SUGCT: variants seen among roughly 807,000 people sequenced by gnomAD.
The protein encoded by SUGCT is succinyl-CoA:glutarate CoA-transferase.
Under a neutral mutation model 55.0 loss-of-function variants are expected in SUGCT, and 41 were observed. The observed-to-expected ratio is 0.74, with a 90% CI of 0.58 to 0.97. SUGCT has a LOEUF of 0.97. Ranked by LOEUF, SUGCT falls within the 50% of genes least tolerant of loss-of-function variation. The probability of loss-of-function intolerance (pLI) is 0.00; values close to 1 mark genes in which losing one functional copy is unlikely to be tolerated. For missense variants in SUGCT, 568 were observed against 547.8 expected (o/e 1.04, Z -0.37); for synonymous variants, 187 against 200.4 (o/e 0.93, Z 0.56).
chr7:40,662,598 T>G (rs764986487), intron 12 of SUGCT, among the ~76,000 whole-genome samples: 2 of 152,158 alleles, frequency 1.3e-5, no homozygotes, highest in Admixed American at 1.3e-4. Flanking sequence ...ACATAACTAT[T>G]TTTTTGATTT....
intron 1 of SUGCT, among the ~76,000 whole-genome samples, chr7:40,170,937 A>G (rs1461197468): frequency 6.6e-6 from 1 of 152,134 alleles, no homozygotes; most frequent in Non-Finnish European, 1.5e-5. Context: ...CATACCCGAC[A>G]TTGCCTTTGC....
intron 12 of SUGCT, among the ~76,000 whole-genome samples, chr7:40,606,288 T>C (rs1798532971): frequency 6.6e-6 from 1 of 152,186 alleles, no homozygotes; most frequent in Non-Finnish European, 1.5e-5. Flanking sequence ...AGACTGAAAG[T>C]GTGGATGACA....
intron 9 of SUGCT, among the ~76,000 whole-genome samples, chr7:40,437,387 T>C (rs999253895): frequency 6.6e-6 from 1 of 152,190 alleles, no homozygotes; most frequent in Non-Finnish European, 1.5e-5. Flanking sequence ...AGGAAATCAG[T>C]ATATAATGTT....
chr7:40,204,025 G>A (rs546567671), intron 6 of SUGCT, among the ~76,000 whole-genome samples: 1 of 151,700 alleles, frequency 6.6e-6, no homozygotes, highest in South Asian at 2.1e-4. Flanking sequence ...GTCTCACTTA[G>A]TCACCTAGGC....
the SUGCT span, among the ~76,000 whole-genome samples, chr7:40,904,608 T>A: frequency 3.9e-4 from 59 of 152,282 alleles, no homozygotes; most frequent in East Asian, 0.011. Flanking sequence ...TATGAAAATC[T>A]TCTGGAGATG....
intron 1 of SUGCT, among the ~76,000 whole-genome samples, chr7:40,178,758 AG>A (rs1341557827): frequency 6.6e-6 from 1 of 152,172 alleles, no homozygotes; most frequent in Non-Finnish European, 1.5e-5. Flanking sequence ...CTGGGCCAGT[AG>A]AGGGACCTTC....
At chr7:40,651,689 C>A (rs1381605927) in intron 12 of SUGCT, among the ~76,000 whole-genome samples, 1 of 151,970 alleles carries the variant, frequency 6.6e-6, no homozygotes, top group African/African-American at 2.4e-5. Context: ...TAATTTCATT[C>A]TTTTCTTCAG....
chr7:40,897,894 GACCAATCAGCTCTCTGTAAAATGA>G, the SUGCT span, among the ~76,000 whole-genome samples: 19,503 of 152,086 alleles, frequency 0.13, 1,647 homozygotes, highest in East Asian at 0.17. Flanking sequence ...CTGTAAAATG[GACCAATCAGCTCTCTGTAAAATGA>G]ACCAATCAGC....
At chr7:40,942,916 CT>C in the SUGCT span, among the ~76,000 whole-genome samples, 18 of 151,940 alleles carry the variant, frequency 1.2e-4, no homozygotes, top group Non-Finnish European at 2.4e-4. Context: ...GTTCTGATTA[CT>C]TTTTAAAAAA....
intron 12 of SUGCT, among the ~76,000 whole-genome samples, chr7:40,691,134 T>C (rs1784680267): frequency 6.6e-6 from 1 of 152,174 alleles, no homozygotes. Flanking sequence ...ACGGATTCTA[T>C]AGAAACAGGA....
intron 1 of SUGCT, among the ~76,000 whole-genome samples, chr7:40,158,707 G>A (rs1294388677): frequency 6.6e-6 from 1 of 151,814 alleles, no homozygotes; most frequent in Non-Finnish European, 1.5e-5. Flanking sequence ...CTGAGATTGT[G>A]CCACTTCACT....
chr7:40,195,048 T>C lies in SUGCT; in HGVS notation c.472T>C (p.Cys158Arg). 6.2e-7 allele frequency: 1 copy of C among 1,613,452 alleles called. No homozygotes were observed. Among genetic ancestry groups the C allele is most frequent in the Non-Finnish European group, 8.5e-7 (1 of 1,179,624 alleles). ...CGAGATTGCTCCTCACATCATCTAT[T>C]GTTCCATCACAGGTATTTCAACCCC... ...IDEIAPHIIY[C>R]SITGYGQTGP... Residue 158 changes from cysteine to arginine, a missense_variant, in exon 6 of 14, where the codon TGT (cysteine) becomes CGT (arginine). By Grantham distance (180) the Cys-to-Arg change is radical. Coordinates refer to ENST00000335693, the MANE Select transcript of SUGCT (RefSeq NM_001193313.2).
chr7:40,643,957 G>A (rs771422952), intron 12 of SUGCT, among the ~76,000 whole-genome samples: 1 of 152,172 alleles, frequency 6.6e-6, no homozygotes, highest in Non-Finnish European at 1.5e-5. Context: ...TTCCCTTTGT[G>A]CTAATCTTAC....
At chr7:40,994,049 A>G in the SUGCT span, among the ~76,000 whole-genome samples, 13 of 152,164 alleles carry the variant, frequency 8.5e-5, no homozygotes. Flanking sequence ...CCTTAAGTAT[A>G]TCTGAGGAAG....
In SUGCT at chr7:40,585,036, A is replaced by G. The variant is rs145028474; in HGVS notation, c.1089+88650A>G. Among the ~76,000 whole-genome samples, 29 of 152,312 alleles carry G rather than the reference A, an allele frequency of 1.9e-4. No homozygotes were observed. The East Asian group carries it at 4.6e-3, about 24-fold the overall frequency. On this transcript the variant is annotated intron_variant, in intron 12 of 13. Transcript: ENST00000335693. ...TTCACCTTTAAACTCACCCTTCAATAGTTCTCAGAATCCTCCTTGAGAAGA... is the reference window on the plus strand; with the variant it reads ...TTCACCTTTAAACTCACCCTTCAATGGTTCTCAGAATCCTCCTTGAGAAGA...
chr7:40,341,418 A>G (rs1797037297), intron 9 of SUGCT, among the ~76,000 whole-genome samples: 1 of 152,044 alleles, frequency 6.6e-6, no homozygotes, highest in Non-Finnish European at 1.5e-5. Context: ...TTAATAGAGA[A>G]AAAAAAAGTG....
chr7:40,367,863 C>G (rs1156554379), intron 9 of SUGCT, among the ~76,000 whole-genome samples: 1 of 152,232 alleles, frequency 6.6e-6, no homozygotes, highest in Non-Finnish European at 1.5e-5. Context: ...AGCCCTTAAC[C>G]TGGCCTTCCT....
intron 7 of SUGCT, among the ~76,000 whole-genome samples, chr7:40,241,513 A>C (rs1270571189): frequency 6.7e-6 from 1 of 149,132 alleles, no homozygotes; most frequent in Non-Finnish European, 1.5e-5. Context: ...CGGGAGGTGG[A>C]GGTTACAGTG....
intron 9 of SUGCT, among the ~76,000 whole-genome samples, chr7:40,321,266 A>G (rs974033451): frequency 1.1e-4 from 16 of 151,894 alleles, no homozygotes; most frequent in Middle Eastern, 3.4e-3. Flanking sequence ...TAGTAGAGAC[A>G]GGGTTTTGCC....
Sources: gnomAD v4.1 joint callset for allele counts (sites outside exome capture counted in the v4.1 genomes callset) on GRCh38, gnomAD v4.1.1 for gene constraint, MANE v1.5 for transcripts, NCBI Gene and HGNC (gene_info 2026-07-23, HGNC 2026-07-21) for gene names.